Variants in MMS22L observed in about 807,000 individuals in gnomAD.
MMS22L encodes protein MMS22-like.
Under a neutral mutation model 159.1 loss-of-function variants are expected in MMS22L, and 74 were observed. The ratio of observed to expected loss-of-function variants is 0.47; its 90% CI spans 0.39 to 0.56. The LOEUF is 0.56. Ranked by LOEUF, MMS22L falls within the 20% of genes least tolerant of loss-of-function variation. MMS22L has a pLI of 0.00. For missense variants in MMS22L, 1,351 were observed against 1,422.1 expected (o/e 0.95, Z 0.80); for synonymous variants, 517 against 506.9 (o/e 1.02, Z -0.27).
At chr6:97,249,910 T>C (rs1340435849) in intron 10 of MMS22L, among the ~76,000 whole-genome samples, 1 of 152,154 alleles carries the variant, frequency 6.6e-6, no homozygotes, top group Non-Finnish European at 1.5e-5. Flanking sequence ...AATCATTCTG[T>C]GTTATCAAAG....
rs190615829 is a variant in MMS22L at position 97,213,887 on chromosome 6, T to C, written c.2039+15007A>G. Among the ~76,000 whole-genome samples, 459 of 152,318 alleles carry C rather than the reference T, an allele frequency of 3.0e-3. 3 individuals carry two copies. The highest frequency in any genetic ancestry group is 3.4e-3 in the Middle Eastern group (1 of 294). On this transcript the variant is annotated intron_variant, in intron 14 of 24. Transcript: ENST00000683635. ...TTACCTATCATTTCACCACAGGCTC[T>C]AGAAGCCTCCTATCTGTTTTTCCAT... is the stretch of plus-strand genomic sequence containing the variant.
intron 15 of MMS22L, among the ~76,000 whole-genome samples, chr6:97,182,943 C>A (rs1366785336): frequency 2.0e-5 from 3 of 152,114 alleles, no homozygotes; most frequent in African/African-American, 4.8e-5. Context: ...TCCAACAGCA[C>A]TCCTGCCATA....
chr6:97,251,432 T>G (rs962740124), intron 10 of MMS22L, among the ~76,000 whole-genome samples: 1 of 152,186 alleles, frequency 6.6e-6, no homozygotes, highest in Admixed American at 6.5e-5. Context: ...TTACCCCTAA[T>G]GAAAACTATT....
At chr6:97,246,916 T>C (rs1446103415) in intron 10 of MMS22L, among the ~76,000 whole-genome samples, 4 of 152,008 alleles carry the variant, frequency 2.6e-5, no homozygotes, top group African/African-American at 7.2e-5. Context: ...GTTGTAACAG[T>C]GGTGCTTCAG....
chr6:97,218,125 T>C (rs2127968893), intron 14 of MMS22L, among the ~76,000 whole-genome samples: 1 of 152,284 alleles, frequency 6.6e-6, no homozygotes, highest in South Asian at 2.1e-4. Context: ...ATAATAATAG[T>C]CATCCAGAAA....
chr6:97,270,381 T>C (rs1452679587), intron 6 of MMS22L: 1 of 411,352 alleles, frequency 2.4e-6, no homozygotes, highest in African/African-American at 2.1e-5. Context: ...ACCCAGGAAC[T>C]CCTATAAAAT....
At chr6:97,262,157 C>A (rs1814544283) in intron 9 of MMS22L, among the ~76,000 whole-genome samples, 1 of 152,122 alleles carries the variant, frequency 6.6e-6, no homozygotes, top group African/African-American at 2.4e-5. Context: ...ACTTTATCTT[C>A]TATTCTTGTA....
intron 14 of MMS22L, among the ~76,000 whole-genome samples, chr6:97,206,986 AAAGAC>A (rs1468162651): frequency 6.6e-6 from 1 of 152,172 alleles, no homozygotes; most frequent in Non-Finnish European, 1.5e-5. Flanking sequence ...ACCCTAAGTT[AAAGAC>A]AAGTAAAGGC....
chr6:97,146,851 C>T lies in MMS22L; in HGVS notation c.3687G>A (p.Gln1229=). The change falls in exon 25 of 25, where the codon CAG becomes CAA. Residue 1229 remains glutamine (Q), a synonymous_variant. Transcript: ENST00000683635. ...GTCTCTGCATCTCATCTTGTCCCAT[C>T]TGTCCAAGGTGAGACAAAAGTTTGC... ...AYSKLLSHLG[Q]MGQDEMQRLE... is the part of the protein sequence containing the mutation. 5.7e-6 allele frequency: 9 copies of T among 1,574,108 alleles called. No individual in the cohort carries two copies. Among genetic ancestry groups the T allele is most frequent in the Non-Finnish European group, 7.7e-6 (9 of 1,167,486 alleles).
chr6:97,191,540 T>C, intron 14 of MMS22L, among the ~76,000 whole-genome samples: 1 of 150,196 alleles, frequency 6.7e-6, no homozygotes, highest in East Asian at 1.9e-4. Flanking sequence ...TTAACAGCAA[T>C]AATTGAATTC....
In MMS22L at chr6:97,186,542, T is replaced by C; in HGVS notation, c.2188A>G (p.Met730Val). ...HFFSFLKSQR[M>V]SQVVPFSQLA... is the part of the protein sequence containing the mutation. ...TGTGAGAAAGGCACTACCTGTGACA[T>C]TCTCTGACTCTTCAAAAATGAAAAG... Residue 730 changes from methionine to valine, a missense_variant, in exon 15 of 25, where the codon ATG (methionine) becomes GTG (valine). By Grantham distance (21) the Met-to-Val change is conservative. Transcript: ENST00000683635. 2 of 1,613,244 alleles carry C rather than the reference T, an allele frequency of 1.2e-6. No homozygotes were observed. Among genetic ancestry groups the C allele is most frequent in the Non-Finnish European group, 1.7e-6 (2 of 1,179,646 alleles).
chr6:97,278,402 C>CAAA (rs76586542), intron 4 of MMS22L, among the ~76,000 whole-genome samples: 1 of 75,922 alleles, frequency 1.3e-5, no homozygotes, highest in Admixed American at 1.5e-4. Flanking sequence ...AACTCCCTAT[C>CAAA]AAAAAAAAAA....
chr6:97,256,106 T>C (rs1813778093), intron 9 of MMS22L, among the ~76,000 whole-genome samples: 1 of 152,136 alleles, frequency 6.6e-6, no homozygotes, highest in Non-Finnish European at 1.5e-5. Flanking sequence ...TCTATTTGTA[T>C]ACCTACTGTA....
At chr6:97,187,173 T>C (rs1805337288) in intron 14 of MMS22L, among the ~76,000 whole-genome samples, 1 of 152,192 alleles carries the variant, frequency 6.6e-6, no homozygotes, top group Non-Finnish European at 1.5e-5. Flanking sequence ...GACAAAACTA[T>C]GCTAGATACA....
chr6:97,178,360 A>T, intron 18 of MMS22L, 83 bp downstream of exon 18: 1 of 1,054,266 alleles, frequency 9.5e-7, no homozygotes, highest in Non-Finnish European at 1.3e-6. Context: ...TTCATTTTAT[A>T]GAAAAACTTT....
intron 14 of MMS22L, among the ~76,000 whole-genome samples, chr6:97,189,551 CAAAAAAAAAAAAA>C (rs67620002): frequency 3.6e-5 from 2 of 55,228 alleles, no homozygotes; most frequent in East Asian, 1.8e-3. Context: ...ACTCTGTCTC[CAAAAAAAAAAAAA>C]AAAAAAAAAA....
intron 10 of MMS22L, among the ~76,000 whole-genome samples, chr6:97,251,907 C>T (rs376719160): frequency 6.6e-6 from 1 of 151,900 alleles, no homozygotes; most frequent in East Asian, 1.9e-4. Flanking sequence ...CACAGTGAAA[C>T]CCCGTTTCTA....
At chr6:97,208,001 G>A (rs1257744665) in intron 14 of MMS22L, among the ~76,000 whole-genome samples, 1 of 152,216 alleles carries the variant, frequency 6.6e-6, no homozygotes, top group East Asian at 1.9e-4. Flanking sequence ...TTAAACATAA[G>A]TAAAAGATGT....
intron 22 of MMS22L, among the ~76,000 whole-genome samples, chr6:97,152,689 C>A (rs546420948): frequency 2.4e-4 from 37 of 152,038 alleles, no homozygotes; most frequent in African/African-American, 8.7e-4. Flanking sequence ...GTTTTCCATG[C>A]GATGAGGCTC....
Sources: allele counts gnomAD v4.1 joint callset (sites outside exome capture counted in the v4.1 genomes callset), GRCh38; gene constraint gnomAD v4.1.1; transcripts MANE v1.5; gene names NCBI Gene and HGNC (gene_info 2026-07-23, HGNC 2026-07-21).